The following DPM1 variants were observed in gnomAD, a reference collection of about 807,000 sequenced individuals.
DPM1 encodes dolichol-phosphate mannosyltransferase subunit 1.
Under a neutral mutation model 39.0 loss-of-function variants are expected in DPM1, and 27 were observed. The ratio of observed to expected loss-of-function variants is 0.69; its 90% confidence interval spans 0.51 to 0.95. The LOEUF is 0.95. Ranked by LOEUF, DPM1 falls within the 40% of genes least tolerant of loss-of-function variation. DPM1 has a pLI of 0.00. For missense variants in DPM1, 307 were observed against 315.6 expected, an observed-to-expected ratio of 0.97 and a Z score of 0.21; for synonymous variants, 124 against 109.0, an observed-to-expected ratio of 1.14 and a Z score of -0.86.
At chr20:50,943,114 T>C (rs1364548081) in intron 5 of DPM1, among the ~76,000 whole-genome samples, 3 of 151,876 alleles carry the variant, frequency 2.0e-5, no homozygotes, top group African/African-American at 7.3e-5. Context: ...ACGTGGAGGT[T>C]GCAGTGACTG....
rs757555230 is a variant in DPM1, at chr20:50,958,480, C to T, written c.44G>A (p.Arg15Gln). The T allele has an allele frequency of 6.2e-7, 1 of 1,613,990 alleles. No individual in the cohort carries two copies. Reference sequence around the variant, plus strand: ...TCGTGGACTGCGCACTTCCAGCTCCCGCCGAGACCTGCGAGGACTACGACT... The same window carrying T: ...TCGTGGACTGCGCACTTCCAGCTCCTGCCGAGACCTGCGAGGACTACGACT... The part of the protein sequence containing the change: ...EVSRSPRRSR[R>Q]ELEVRSPRQN... Residue 15 changes from arginine to glutamine, a missense_variant, in exon 1 of 9, where the codon CGG (arginine) becomes CAG (glutamine). Arg to Gln is a conservative substitution (Grantham distance 43). Around this residue, in one of 3 missense-constraint regions of DPM1, gnomAD observed 206 missense variants for 188.2 expected, o/e 1.09. Coordinates refer to ENST00000371588, the MANE Select transcript of DPM1 (RefSeq NM_003859.3).
At chr20:50,942,766 T>C (rs1985953060) in intron 5 of DPM1, among the ~76,000 whole-genome samples, 1 of 152,240 alleles carries the variant, frequency 6.6e-6, no homozygotes, top group African/African-American at 2.4e-5. Flanking sequence ...CCTGCCACAC[T>C]TTTCTTTGCC....
intron 2 of DPM1, among the ~76,000 whole-genome samples, chr20:50,949,832 C>A (rs914457306): frequency 2.0e-5 from 3 of 151,768 alleles, no homozygotes; most frequent in Non-Finnish European, 2.9e-5. Context: ...TTTTTCCATC[C>A]CTTCACTTTG....
intron 2 of DPM1, among the ~76,000 whole-genome samples, chr20:50,952,490 A>G (rs1036934198): frequency 6.6e-6 from 1 of 152,232 alleles, no homozygotes; most frequent in Non-Finnish European, 1.5e-5. Context: ...GACTTGTTCT[A>G]TAATACTCTC....
At chr20:50,947,698 G>A (rs1197237757) in intron 3 of DPM1, among the ~76,000 whole-genome samples, 5 of 151,346 alleles carry the variant, frequency 3.3e-5, no homozygotes, top group African/African-American at 9.7e-5. Context: ...GTGTGATCTC[G>A]GCTCATTGCA....
chr20:50,942,730 AAAT>A (rs1601035467), intron 5 of DPM1, among the ~76,000 whole-genome samples: 3 of 152,224 alleles, frequency 2.0e-5, no homozygotes, highest in Non-Finnish European at 4.4e-5. Flanking sequence ...TCTTTGAAGC[AAAT>A]AATACTAAAA....
chr20:50,955,443 T>C (rs1012441608), intron 1 of DPM1, among the ~76,000 whole-genome samples, 158 bp from the exon 2 acceptor site: 5 of 152,234 alleles, frequency 3.3e-5, no homozygotes, highest in Admixed American at 6.5e-5. Context: ...ATGTCAAACA[T>C]TTAGTACTTT....
chr20:50,942,951 G>A (rs1985975488), intron 5 of DPM1, among the ~76,000 whole-genome samples: 1 of 152,222 alleles, frequency 6.6e-6, no homozygotes, highest in Admixed American at 6.5e-5. Flanking sequence ...GCCTAGGCAG[G>A]TGGATCACTT....
chr20:50,940,655 A>G (rs985406538), intron 7 of DPM1, among the ~76,000 whole-genome samples: 3 of 152,156 alleles, frequency 2.0e-5, no homozygotes, highest in Non-Finnish European at 2.9e-5. Context: ...AAGCACACAA[A>G]CCTAACTGCC....
intron 2 of DPM1, among the ~76,000 whole-genome samples, chr20:50,949,920 C>T (rs1321014630): frequency 1.3e-5 from 2 of 152,162 alleles, no homozygotes; most frequent in South Asian, 4.1e-4. Flanking sequence ...TCCATTCAGT[C>T]ACTCCAGGTC....
At chr20:50,935,485 A>T (rs916976640) in intron 8 of DPM1, among the ~76,000 whole-genome samples, 5 of 152,190 alleles carry the variant, frequency 3.3e-5, no homozygotes, top group African/African-American at 2.4e-5. Flanking sequence ...GATTCTAGGT[A>T]TTACCTTGGT....
chr20:50,935,270 T>TA, intron 8 of DPM1, 34 bp from the exon 9 acceptor site: 4 of 1,347,984 alleles, frequency 3.0e-6, no homozygotes, highest in Non-Finnish European at 4.3e-6. Context: ...CGTTAGTCTT[T>TA]AAAAACAATT....
Position 50,949,495 on chromosome 20 carries a change from A to C in DPM1, c.262-833T>G, listed in dbSNP as rs146589797. On this transcript the variant is annotated intron_variant, in intron 2 of 8. Transcript: ENST00000371588. ...ATTAAATTCTTTCTCTTTTCTTACT[A>C]TTGGTCAATCACTTAGTCCTCCTAA... Among the ~76,000 whole-genome samples the C allele has an allele frequency of 2.2e-4, 34 of 152,192 alleles. No individual in the cohort carries two copies. The East Asian group carries it at 6.2e-3, about 28-fold the overall frequency.
intron 6 of DPM1, chr20:50,941,264 A>ATATATATATAT (rs56852828): frequency 6.0e-6 from 1 of 167,960 alleles, no homozygotes; most frequent in African/African-American, 2.8e-5. Context: ...ATATATATAT[A>ATATATATATAT]AATAAAATAC....
chr20:50,936,961 G>A (rs984161186), intron 7 of DPM1, among the ~76,000 whole-genome samples: 2 of 152,158 alleles, frequency 1.3e-5, no homozygotes, highest in African/African-American at 4.8e-5. Context: ...CAAAGACAGC[G>A]GAGTTGGGCA....
intron 6 of DPM1, chr20:50,941,256 A>ATG (rs1485649364): frequency 5.8e-6 from 1 of 172,758 alleles, no homozygotes; most frequent in Non-Finnish European, 1.1e-5. Flanking sequence ...ATATATATAT[A>ATG]TATATATAAA....
At chr20:50,949,041 A>G (rs529304310) in intron 2 of DPM1, among the ~76,000 whole-genome samples, 1 of 152,138 alleles carries the variant, frequency 6.6e-6, no homozygotes, top group East Asian at 1.9e-4. Context: ...TCGTATTTTT[A>G]GTAGAGACAG....
intron 1 of DPM1, among the ~76,000 whole-genome samples, chr20:50,957,075 T>C (rs1012775248): frequency 4.0e-5 from 6 of 151,866 alleles, no homozygotes; most frequent in Non-Finnish European, 8.8e-5. Flanking sequence ...GGTTGTATGA[T>C]AGTTACTTTC....
chr20:50,953,535 CTTAT>C (rs1298709394), intron 2 of DPM1, among the ~76,000 whole-genome samples: 1 of 151,956 alleles, frequency 6.6e-6, no homozygotes, highest in Non-Finnish European at 1.5e-5. Flanking sequence ...TCTAGTTTAA[CTTAT>C]TTAAATGTCA....
Sources: allele counts gnomAD v4.1 joint callset (sites outside exome capture counted in the v4.1 genomes callset), GRCh38; gene constraint gnomAD v4.1.1; regional missense constraint gnomAD v4.1.1; transcripts MANE v1.5; gene names NCBI Gene and HGNC (gene_info 2026-07-23, HGNC 2026-07-21).